Variants in CELSR2 observed in about 807,000 individuals in gnomAD.
CELSR2 encodes EGF-like protein 2.
Under a neutral mutation model 251.6 loss-of-function variants are expected in CELSR2, and 81 were observed. The ratio of observed to expected loss-of-function variants is 0.32; its 90% CI spans 0.27 to 0.39. The LOEUF (loss-of-function observed/expected upper bound fraction) is 0.39. Ranked by LOEUF, CELSR2 falls within the 10% of genes least tolerant of loss-of-function variation. The pLI, the probability that CELSR2 is intolerant of heterozygous loss-of-function variation, is 1.00. For synonymous variants in CELSR2, 1,721 were observed against 1,670.5 expected, an observed-to-expected ratio of 1.03 and a Z score of -0.74; for missense variants, 3,365 against 3,947.7, an observed-to-expected ratio of 0.85 and a Z score of 3.96.
intron 33 of CELSR2, 98 bp from the exon 34 acceptor site, chr1:109,273,924 T>G (rs1275396250): frequency 6.7e-7 from 1 of 1,501,862 alleles, no homozygotes; most frequent in African/African-American, 1.4e-5. Flanking sequence ...GGGGGTGCTT[T>G]CCTGTTTCCT....
rs371230128 is a variant in CELSR2, at chr1:109,250,325, C to T, written c.246C>T (p.His82=). Residue 82 remains histidine, a synonymous_variant, in exon 1 of 34, where the codon CAC becomes CAT. Transcript: ENST00000271332. This position sits in a 1 kb window ranked among gnomAD's most constrained non-coding sequence, Gnocchi z 4.4. Reference sequence around the variant, plus strand: ...ATGCGGGCACTGAGCTGACTGGCCACCTGGTACCCCACCACGATGGCCTGA... The same window carrying T: ...ATGCGGGCACTGAGCTGACTGGCCATCTGGTACCCCACCACGATGGCCTGA... The part of the protein sequence containing the change: ...CRDAGTELTG[H]LVPHHDGLRV... 1.8e-5 allele frequency: 29 copies of T among 1,613,374 alleles called. No individual in the cohort carries two copies. Among genetic ancestry groups the T allele is most frequent in the Non-Finnish European group, 2.4e-5 (28 of 1,180,038 alleles).
rs1296898422 is a variant in CELSR2, at chr1:109,275,539, C to T, written c.*1490C>T. Reference sequence around the variant, plus strand: ...TTTTCTGCCGTGGATTCTCCCCCGTCTTCTCCCCTCAGCAATTCCTGCAAA... The same window carrying T: ...TTTTCTGCCGTGGATTCTCCCCCGTTTTCTCCCCTCAGCAATTCCTGCAAA... On this transcript the variant is annotated 3_prime_UTR_variant, in exon 34 of 34. Transcript: ENST00000271332. The T allele has an allele frequency of 6.6e-6, 1 of 151,262 alleles. No individual in the cohort carries two copies. The highest frequency in any genetic ancestry group is 1.5e-5 in the Non-Finnish European group (1 of 67,850). 9.4% of individuals were successfully genotyped at this position (151,262 alleles called of 1,614,324 possible).
At chr1:109,262,725 T>C in intron 6 of CELSR2, 81 bp from the exon 7 acceptor site, 1 of 1,569,822 alleles carries the variant, frequency 6.4e-7, no homozygotes, top group Non-Finnish European at 8.7e-7. Flanking sequence ...GCCGTTCGTG[T>C]CTCTGGCCTG....
At chr1:109,253,484 C>T (rs1655759944) in intron 1 of CELSR2, 95 bp downstream of exon 1, 1 of 1,484,022 alleles carries the variant, frequency 6.7e-7, no homozygotes, top group East Asian at 2.4e-5. Context: ...GAAGCAGCTA[C>T]AGATCCACCT....
rs760575604 is a variant in CELSR2 at position 109,269,271 on chromosome 1, C to A, written c.6793C>A (p.Pro2265Thr). Reference protein sequence around the residue: ...LAGLLPHNYDPDKRSLRVPKR... With the variant: ...LAGLLPHNYDTDKRSLRVPKR... ...CGGGCTACTGCCTCATAACTATGACCCTGACAAGCGCAGCTTGAGGTCAGC... is the reference window on the plus strand; with the variant it reads ...CGGGCTACTGCCTCATAACTATGACACTGACAAGCGCAGCTTGAGGTCAGC... The change falls in exon 20 of 34, where the codon CCT (proline) becomes ACT (threonine). Residue 2265 changes from proline to threonine, a missense_variant. Physicochemically the swap from Pro to Thr is conservative, Grantham distance 38. Transcript: ENST00000271332. This position sits in a 1 kb window ranked among gnomAD's most constrained non-coding sequence, Gnocchi z 6.4. 1 of 1,613,322 alleles carries A rather than the reference C, an allele frequency of 6.2e-7. No homozygotes were observed. Among genetic ancestry groups the A allele is most frequent in the East Asian group, 2.2e-5 (1 of 44,884 alleles).
intron 8 of CELSR2, 142 bp from the exon 9 acceptor site, chr1:109,263,469 C>T: frequency 7.2e-7 from 1 of 1,391,182 alleles, no homozygotes; most frequent in Non-Finnish European, 9.8e-7. Flanking sequence ...GGGGCGGTCC[C>T]AGGGCAGGTA....
At chr1:109,255,500 G>A (rs1400554487) in intron 1 of CELSR2, among the ~76,000 whole-genome samples, 1 of 152,212 alleles carries the variant, frequency 6.6e-6, no homozygotes, top group Non-Finnish European at 1.5e-5. Context: ...CCTCTGCTCA[G>A]ACACGCAGCA....
In CELSR2 at chr1:109,270,593, C is replaced by T. The variant is rs1248142129; in HGVS notation, c.7476C>T (p.Phe2492=). ...YYMLGWGVPA[F]ITGLAVGLDP... ...TGCTGGGCTGGGGCGTGCCTGCCTT[C>T]ATCACAGGTACTCCCACCCATTCCC... The change falls in exon 24 of 34, where the codon TTC becomes TTT. Residue 2492 remains phenylalanine, a synonymous_variant. Transcript: ENST00000271332. The T allele has an allele frequency of 1.9e-6, 3 of 1,613,678 alleles. No homozygotes were observed. The highest frequency in any genetic ancestry group is 2.5e-6 in the Non-Finnish European group (3 of 1,179,990).
chr1:109,261,084 C>T lies in CELSR2; in HGVS notation c.4001C>T (p.Pro1334Leu), dbSNP rs772267417. ...EVSARSGRCTPGVCKNGGTCV... is the reference protein window; with the variant it reads ...EVSARSGRCTLGVCKNGGTCV... The stretch of plus-strand genomic sequence containing the variant: ...AGTGCTCGCTCAGGCCGTTGCACCC[C>T]GGGTGTCTGCAAGAATGGGGGCACC... The change falls in exon 3 of 34, where the codon CCG becomes CTG. Residue 1334 changes from proline to leucine, a missense_variant. Transcript: ENST00000271332. This position sits in a 1 kb window ranked among gnomAD's most constrained non-coding sequence, Gnocchi z 4.8. The T allele has an allele frequency of 1.2e-5, 20 of 1,613,970 alleles. No homozygotes were observed. The highest frequency in any genetic ancestry group is 4.0e-5 in the African/African-American group (3 of 75,026).
intron 15 of CELSR2, 106 bp from the exon 16 acceptor site, chr1:109,267,442 T>C: frequency 1.0e-6 from 1 of 979,016 alleles, no homozygotes; most frequent in Non-Finnish European, 1.5e-6. Flanking sequence ...TGCTAGTTAC[T>C]GTCCCCGGCC....
intron 14 of CELSR2, 22 bp downstream of exon 14, chr1:109,265,940 G>A (rs1398599949): frequency 6.2e-7 from 1 of 1,605,724 alleles, no homozygotes; most frequent in Non-Finnish European, 8.5e-7. Flanking sequence ...GGGATGGGTG[G>A]GCAGCCCTCC....
rs111736506 is a variant in CELSR2, at chr1:109,273,869, G to C, written c.8745-153G>C. 2.5e-4 allele frequency: 293 copies of C among 1,184,006 alleles called. 1 individual carries two copies. In the African/African-American group the frequency reaches 3.8e-3, roughly 15 times the overall value. The allele number at this position is 1,184,006 out of a possible 1,614,324, so 73.3% of individuals were successfully genotyped here. On this transcript the variant is annotated intron_variant, in intron 33 of 33. Coordinates refer to ENST00000271332, the MANE Select transcript of CELSR2 (RefSeq NM_001408.3). ...GAGGGCCACCCCTCCTAGGCTCTACGCGGCGCAGCCCAGCCTAGGGCAGAG... is the reference window on the plus strand; with the variant it reads ...GAGGGCCACCCCTCCTAGGCTCTACCCGGCGCAGCCCAGCCTAGGGCAGAG...
rs780221422 is a variant in CELSR2 at position 109,252,075 on chromosome 1, C to T, written c.1996C>T (p.Leu666=). The T allele has an allele frequency of 1.2e-6, 2 of 1,614,054 alleles. No individual in the cohort carries two copies. The highest frequency in any genetic ancestry group is 1.7e-6 in the Non-Finnish European group (2 of 1,180,014). Residue 666 remains leucine (L), a synonymous_variant, in exon 1 of 34, where the codon CTG becomes TTG. Transcript: ENST00000271332. This position sits in a 1 kb window ranked among gnomAD's most constrained non-coding sequence, Gnocchi z 4.8. ...CATCACCAGCCAAAGTGGTGGTGGG[C>T]TGGTATCCCTTGCCCTGCCACTGGA... is the stretch of plus-strand genomic sequence containing the variant. ...FSITSQSGGG[L]VSLALPLDYK...
chr1:109,265,081 C>G, intron 12 of CELSR2, 72 bp downstream of exon 12: 6 of 1,601,720 alleles, frequency 3.7e-6, no homozygotes, highest in Non-Finnish European at 5.1e-6. Flanking sequence ...CCTCAGAGCC[C>G]CGAAAGCCTG....
In CELSR2 at chr1:109,253,275, C is replaced by T. The variant is rs566212338; in HGVS notation, c.3196C>T (p.Arg1066Trp). Residue 1066 changes from arginine (R) to tryptophan (W), a missense_variant, in exon 1 of 34, where the codon CGG becomes TGG. By Grantham distance (101) the Arg-to-Trp change is moderately radical. Coordinates refer to ENST00000271332, the MANE Select transcript of CELSR2 (RefSeq NM_001408.3). ...AGATAGTCTGACTTACAGCTTTGAG[C>T]GGGGAAATGAACTCAGCCTGGTCCT... is the stretch of plus-strand genomic sequence containing the variant. ...ISDSLTYSFERGNELSLVLLN... is the reference protein window; with the variant it reads ...ISDSLTYSFEWGNELSLVLLN... 2.5e-5 allele frequency: 41 copies of T among 1,613,432 alleles called. No homozygotes were observed. Among genetic ancestry groups the T allele is most frequent in the East Asian group, 1.6e-4 (7 of 44,886 alleles).
chr1:109,253,559 C>T (rs879905246), intron 1 of CELSR2, among the ~76,000 whole-genome samples, 170 bp downstream of exon 1: 12 of 152,262 alleles, frequency 7.9e-5, no homozygotes, highest in Admixed American at 5.9e-4. Context: ...GCCCCAGGAA[C>T]CCTGGCGGCT....
Position 109,261,681 on chromosome 1 carries a change from C to G in CELSR2, c.4297+53C>G. On this transcript the variant is annotated intron_variant, in intron 4 of 33. Coordinates refer to ENST00000271332, the MANE Select transcript of CELSR2 (RefSeq NM_001408.3). This position sits in a 1 kb window ranked among gnomAD's most constrained non-coding sequence, Gnocchi z 4.8. Reference sequence around the variant, plus strand: ...CCATCTTCCAAAGGCCCCAAGTCTTCCAGCCCCTGACCCCAAGCCACATAC... The same window carrying G: ...CCATCTTCCAAAGGCCCCAAGTCTTGCAGCCCCTGACCCCAAGCCACATAC... 6.4e-7 allele frequency: 1 copy of G among 1,573,576 alleles called. No homozygotes were observed. The highest frequency in any genetic ancestry group is 1.1e-5 in the South Asian group (1 of 90,144).
At position 109,261,576 on chromosome 1, in the gene CELSR2, CTT is replaced by C. The variant is rs1322702892; in HGVS notation, c.4247_4248del (p.Phe1416CysfsTer33). 1.2e-6 allele frequency: 2 copies of C among 1,614,182 alleles called. No individual in the cohort carries two copies. The highest frequency in any genetic ancestry group is 1.7e-6 in the Non-Finnish European group (2 of 1,180,022). ...ATGGGCGTTTCAATGAGAAGCATGA[CTT>C]TGTGGCCCTCGAGGTGATCCAGGAG... Reference protein sequence around the residue: ...YNGRFNEKHDFVALEVIQEQV... With the variant: ...YNGRFNEKHDXVALEVIQEQV... On this transcript the variant is annotated frameshift_variant, in exon 4 of 34. Coordinates refer to ENST00000271332, the MANE Select transcript of CELSR2 (RefSeq NM_001408.3). LOFTEE classifies it high-confidence loss of function. The surrounding 1 kb of genome is among the most constrained non-coding windows in gnomAD (Gnocchi z 4.8).
intron 31 of CELSR2, 31 bp from the exon 32 acceptor site, chr1:109,273,135 G>C (rs1279522903): frequency 6.2e-7 from 1 of 1,607,240 alleles, no homozygotes; most frequent in Non-Finnish European, 8.5e-7. Flanking sequence ...TCTGCCCTCT[G>C]TGGGCCTCAT....
Sources: allele counts gnomAD v4.1 joint callset (sites outside exome capture counted in the v4.1 genomes callset), GRCh38; gene constraint gnomAD v4.1.1; non-coding constraint Gnocchi (gnomAD v3.1); transcripts MANE v1.5; gene names NCBI Gene and HGNC (gene_info 2026-07-23, HGNC 2026-07-21).